Variants in SSH2 observed in about 807,000 individuals in gnomAD.
The protein encoded by SSH2 is protein phosphatase Slingshot homolog 2.
SSH2 carries 37 observed loss-of-function variants against 135.2 expected under a neutral mutation model. That is an observed-to-expected ratio of 0.27 (90% CI 0.21 to 0.36). The LOEUF (loss-of-function observed/expected upper bound fraction) is 0.36, where lower values mean the gene tolerates loss of function less well. SSH2 is among the 10% of genes least tolerant of loss of function. The pLI is 1.00. For synonymous variants in SSH2, 628 were observed against 646.2 expected (o/e 0.97, Z 0.43); for missense variants, 1,408 against 1,765.3 (o/e 0.80, Z 3.63).
In SSH2 at chr17:29,815,218, G is replaced by A. The variant is rs570403207; in HGVS notation, c.145-21281C>T. Among the ~76,000 whole-genome samples the A allele has an allele frequency of 1.0e-3, 153 of 150,920 alleles. 1 individual carries two copies. The highest frequency in any genetic ancestry group is 5.1e-3 in the Admixed American group (77 of 15,154). On this transcript the variant is annotated intron_variant, in intron 2 of 15. Coordinates refer to ENST00000540801, the MANE Select transcript of SSH2 (RefSeq NM_001282129.2). ...CAGCTCACTACAACCTCTGCCTCCTGGATTCAAGTGATCCCCTGCCTCAGC... is the reference window on the plus strand; with the variant it reads ...CAGCTCACTACAACCTCTGCCTCCTAGATTCAAGTGATCCCCTGCCTCAGC...
chr17:29,724,380 T>C (rs998140107), intron 3 of SSH2, among the ~76,000 whole-genome samples: 1 of 151,582 alleles, frequency 6.6e-6, no homozygotes, highest in Non-Finnish European at 1.5e-5. Context: ...AATACAAAAT[T>C]AGCCGGGCGT....
intron 8 of SSH2, chr17:29,674,225 T>A (rs1598770336): frequency 2.2e-6 from 1 of 451,616 alleles, no homozygotes; most frequent in East Asian, 7.0e-5. Flanking sequence ...TGTCAGTCCA[T>A]TTTTATTAGG....
At chr17:29,655,691 T>G in intron 11 of SSH2, 84 bp from the exon 12 acceptor site, 9 of 1,291,124 alleles carry the variant, frequency 7.0e-6, no homozygotes, top group Non-Finnish European at 1.0e-5. Flanking sequence ...AGAAGAACTT[T>G]CAAAAAGAAG....
chr17:29,901,196 T>A (rs914048605), intron 1 of SSH2, among the ~76,000 whole-genome samples: 4 of 152,036 alleles, frequency 2.6e-5, no homozygotes, highest in African/African-American at 9.7e-5. Flanking sequence ...AGTTAATGGG[T>A]GCAGCACACC....
chr17:29,886,746 CAAAA>C (rs1194032622), intron 1 of SSH2, among the ~76,000 whole-genome samples: 1 of 57,024 alleles, frequency 1.8e-5, no homozygotes, highest in Admixed American at 2.0e-4. Flanking sequence ...GACTCCATCT[CAAAA>C]AAAAAAAAAA....
At chr17:29,798,973 T>G (rs1391745224) in intron 2 of SSH2, among the ~76,000 whole-genome samples, 3 of 152,228 alleles carry the variant, frequency 2.0e-5, no homozygotes, top group African/African-American at 4.8e-5. Flanking sequence ...TTTAAAAAAT[T>G]ACATATGCCT....
At chr17:29,669,649 G>A (rs986162588) in intron 9 of SSH2, among the ~76,000 whole-genome samples, 2 of 152,010 alleles carry the variant, frequency 1.3e-5, no homozygotes, top group Non-Finnish European at 2.9e-5. Flanking sequence ...TTAACACTCT[G>A]GCCTACAGCT....
At chr17:29,778,438 G>A (rs1053106130) in intron 3 of SSH2, among the ~76,000 whole-genome samples, 5 of 152,002 alleles carry the variant, frequency 3.3e-5, no homozygotes, top group Non-Finnish European at 5.9e-5. Flanking sequence ...TCAGGAGATC[G>A]AGACCAGCCT....
At chr17:29,694,262 A>G (rs2038624887) in intron 5 of SSH2, among the ~76,000 whole-genome samples, 1 of 152,236 alleles carries the variant, frequency 6.6e-6, no homozygotes, top group Admixed American at 6.5e-5. Flanking sequence ...ATGGGTAGAA[A>G]TACTTTCCAA....
chr17:29,850,538 GA>G (rs1306309957), intron 1 of SSH2, among the ~76,000 whole-genome samples: 1 of 152,128 alleles, frequency 6.6e-6, no homozygotes, highest in Non-Finnish European at 1.5e-5. Context: ...TACTCTTTCT[GA>G]TAACAGCCTT....
chr17:29,737,098 C>CAAAAAAAAAA (rs59098464), intron 3 of SSH2, among the ~76,000 whole-genome samples: 1 of 63,406 alleles, frequency 1.6e-5, no homozygotes, highest in Non-Finnish European at 3.0e-5. Context: ...GACTCTGTCT[C>CAAAAAAAAAA]AAAAAAAAAA....
At chr17:29,906,916 A>G (rs2066663713) in intron 1 of SSH2, among the ~76,000 whole-genome samples, 1 of 152,210 alleles carries the variant, frequency 6.6e-6, no homozygotes. Context: ...TGCTGGTGGG[A>G]GTGTAAATTA....
chr17:29,812,661 C>T (rs1377404285), intron 2 of SSH2, among the ~76,000 whole-genome samples: 4 of 152,118 alleles, frequency 2.6e-5, no homozygotes, highest in South Asian at 2.1e-4. Flanking sequence ...GACACCGAAG[C>T]GGGTGGATCA....
chr17:29,657,868 C>T (rs935750173), intron 11 of SSH2, among the ~76,000 whole-genome samples: 2 of 152,064 alleles, frequency 1.3e-5, no homozygotes, highest in South Asian at 2.1e-4. Context: ...AACCACCACA[C>T]CCAGCCTAGC....
chr17:29,851,405 A>G (rs376319747), intron 1 of SSH2, among the ~76,000 whole-genome samples: 8 of 152,024 alleles, frequency 5.3e-5, no homozygotes, highest in African/African-American at 1.5e-4. Flanking sequence ...GGCCTGGCCA[A>G]TGTGGTCAAA....
intron 1 of SSH2, among the ~76,000 whole-genome samples, chr17:29,850,972 G>A (rs1000617174): frequency 2.6e-5 from 4 of 152,074 alleles, no homozygotes; most frequent in African/African-American, 9.7e-5. Flanking sequence ...GCTACAGAGC[G>A]AGACTCCATC....
Position 29,632,282 on chromosome 17 carries a change from G to T in SSH2, c.2912C>A (p.Ser971Ter). The T allele has an allele frequency of 6.2e-7, 1 of 1,614,100 alleles. No homozygotes were observed. The highest frequency in any genetic ancestry group is 8.5e-7 in the Non-Finnish European group (1 of 1,179,996). Residue 971 changes from serine (S) to a stop codon, truncating the protein, a stop_gained, in exon 16 of 16, where the codon TCA becomes TAA. Coordinates refer to ENST00000540801, the MANE Select transcript of SSH2 (RefSeq NM_001282129.2). LOFTEE classifies it high-confidence loss of function. ...GGCATTCTGCTCAGAATGGGACAGT[G>T]AGCCAGCCTCAGACCCACTGTATTT... ...KGKYSGSEAGSLSHSEQNATV... is the reference protein window; with the variant it reads ...KGKYSGSEAG
chr17:29,769,710 A>G (rs2041526215), intron 3 of SSH2, among the ~76,000 whole-genome samples: 1 of 152,192 alleles, frequency 6.6e-6, no homozygotes. Context: ...AAGATGAATC[A>G]GACTAACATT....
At chr17:29,686,843 A>G (rs948253469) in intron 5 of SSH2, among the ~76,000 whole-genome samples, 1 of 151,080 alleles carries the variant, frequency 6.6e-6, no homozygotes, top group African/African-American at 2.4e-5. Flanking sequence ...TAATTTTTGT[A>G]TTTTTATAGA....
Sources: gnomAD v4.1 joint callset for allele counts (sites outside exome capture counted in the v4.1 genomes callset) on GRCh38, gnomAD v4.1.1 for gene constraint, MANE v1.5 for transcripts, NCBI Gene and HGNC (gene_info 2026-07-23, HGNC 2026-07-21) for gene names.